SBNO2: variants seen among roughly 807,000 people sequenced by gnomAD.
SBNO2 encodes the protein strawberry notch homolog 2, also known as protein strawberry notch homolog 2.
SBNO2 carries 89 observed loss-of-function variants against 146.3 expected under a neutral mutation model. The ratio of observed to expected loss-of-function variants is 0.61; its 90% CI spans 0.51 to 0.73. SBNO2 has a LOEUF of 0.73. Ranked by LOEUF, SBNO2 falls within the 30% of genes least tolerant of loss-of-function variation. SBNO2 has a pLI of 0.00. For missense variants in SBNO2, 2,092 were observed against 2,003.7 expected (o/e 1.04, Z -0.84); for synonymous variants, 1,147 against 892.6 (o/e 1.29, Z -5.08).
intron 2 of SBNO2, among the ~76,000 whole-genome samples, chr19:1,151,100 T>A (rs1202278822): frequency 6.6e-6 from 1 of 152,156 alleles, no homozygotes; most frequent in East Asian, 1.9e-4. Flanking sequence ...TCCTGCCCTT[T>A]TGGGAAGAGA....
In SBNO2 at chr19:1,173,555, A is replaced by G. The variant is rs55961439; in HGVS notation, c.-127+617T>C. ...ACAGGGCTGCGCTGCGGGGCCGAGAAGGCAAGGGTCCTGGGACCGGGGACA... is the reference window on the plus strand; with the variant it reads ...ACAGGGCTGCGCTGCGGGGCCGAGAGGGCAAGGGTCCTGGGACCGGGGACA... On this transcript the variant is annotated intron_variant, in intron 1 of 31. Transcript: ENST00000361757. This position sits in a 1 kb window ranked among gnomAD's most constrained non-coding sequence, Gnocchi z 4.7. Among the ~76,000 whole-genome samples the G allele has an allele frequency of 0.98, 149,811 of 152,198 alleles. 73,743 individuals are homozygous for G. Among genetic ancestry groups the G allele is most frequent in the East Asian group, 1 (5,108 of 5,108 alleles).
chr19:1,147,183 C>T (rs917566696), intron 4 of SBNO2, 126 bp downstream of exon 4: 16 of 642,498 alleles, frequency 2.5e-5, no homozygotes, highest in East Asian at 6.6e-5. Flanking sequence ...ACCCTGCGGC[C>T]GAGGGGCCAA....
chr19:1,122,168 C>T lies in SBNO2; in HGVS notation c.1120G>A (p.Asp374Asn). Residue 374 changes from aspartate (D) to asparagine (N), a missense_variant, in exon 11 of 32, where the codon GAC becomes AAC. By Grantham distance (23) the Asp-to-Asn change is conservative. Coordinates refer to ENST00000361757, the MANE Select transcript of SBNO2 (RefSeq NM_014963.3). ...QHRTRLRQIL[D>N]WCGEAFEGVI... The stretch of plus-strand genomic sequence containing the variant: ...CCCTCGAAGGCCTCCCCACACCAGT[C>T]CAGGATCTGCCGGAGGCGAGTGCGG... 6.6e-7 allele frequency: 1 copy of T among 1,522,398 alleles called. No individual in the cohort carries two copies. Among genetic ancestry groups the T allele is most frequent in the Non-Finnish European group, 8.8e-7 (1 of 1,132,066 alleles). 94.3% of individuals were successfully genotyped at this position (1,522,398 alleles called of 1,614,324 possible).
At chr19:1,151,647 C>T (rs1364358866) in intron 2 of SBNO2, among the ~76,000 whole-genome samples, 1 of 151,824 alleles carries the variant, frequency 6.6e-6, no homozygotes, top group Non-Finnish European at 1.5e-5. Context: ...ACAATCAGAG[C>T]CTGCCTGGTG....
chr19:1,129,935 G>C (rs80284062), intron 4 of SBNO2, among the ~76,000 whole-genome samples: 1,618 of 152,250 alleles, frequency 0.011, 28 homozygotes, highest in African/African-American at 0.037. Flanking sequence ...GGCCCAAGAA[G>C]ACAGGACAAC....
At chr19:1,124,098 C>T in intron 5 of SBNO2, 76 bp from the exon 6 acceptor site, 1 of 1,375,668 alleles carries the variant, frequency 7.3e-7, no homozygotes, top group Non-Finnish European at 1.0e-6. Flanking sequence ...GCCTGGCCAC[C>T]AGAGGGAGGC....
chr19:1,172,737 C>T (rs1181077117), intron 1 of SBNO2, among the ~76,000 whole-genome samples: 1 of 149,634 alleles, frequency 6.7e-6, no homozygotes, highest in Admixed American at 6.7e-5. Context: ...TCTCTTGAAC[C>T]TCGGCTTCCT....
At position 1,122,567 on chromosome 19, in the gene SBNO2, TG is replaced by T; in HGVS notation, c.915-10del. On this transcript the variant is annotated splice_polypyrimidine_tract_variant and intron_variant, in intron 9 of 31. Coordinates refer to ENST00000361757, the MANE Select transcript of SBNO2 (RefSeq NM_014963.3). ...CGTTGGAGACGCTGAACCTGCGGGG[TG>T]GGGGCGTCAGGCGCGCCCACCCTTC... The T allele has an allele frequency of 6.5e-7, 1 of 1,531,092 alleles. No individual in the cohort carries two copies. 94.8% of individuals were successfully genotyped at this position (1,531,092 alleles called of 1,614,324 possible). A position where few individuals can be genotyped will look rare whatever the true frequency, so the allele number is the denominator to read the frequency against.
chr19:1,154,189 G>C lies in SBNO2; in HGVS notation c.88C>G (p.Leu30Val). The C allele has an allele frequency of 8.1e-7, 1 of 1,240,520 alleles. No individual in the cohort carries two copies. The highest frequency in any genetic ancestry group is 1.0e-6 in the Non-Finnish European group (1 of 990,872). The allele number at this position is 1,240,520 out of a possible 1,614,324, so 76.8% of individuals were successfully genotyped here. Reference protein sequence around the residue: ...AGSLLYSPPPLQSAMLHCPYW... With the variant: ...AGSLLYSPPPVQSAMLHCPYW... The stretch of plus-strand genomic sequence containing the variant: ...GGGCCGGGGGTGGGGCTCACCTGCA[G>C]GGGCGGCGGGCTGTACAGGAGGCTG... Residue 30 changes from leucine (L) to valine (V), a missense_variant, in exon 2 of 32, where the codon CTG becomes GTG. Leu to Val is a conservative substitution (Grantham distance 32). Coordinates refer to ENST00000361757, the MANE Select transcript of SBNO2 (RefSeq NM_014963.3).
Position 1,158,361 on chromosome 19 carries a change from G to A in SBNO2, c.-126-3959C>T, listed in dbSNP as rs1251132962. Among the ~76,000 whole-genome samples, 8 of 152,132 alleles carry A rather than the reference G, an allele frequency of 5.3e-5. No homozygotes were observed. The highest frequency in any genetic ancestry group is 8.8e-5 in the Non-Finnish European group (6 of 68,016). On this transcript the variant is annotated intron_variant, in intron 1 of 31. Coordinates refer to ENST00000361757, the MANE Select transcript of SBNO2 (RefSeq NM_014963.3). This position sits in a 1 kb window ranked among gnomAD's most constrained non-coding sequence, Gnocchi z 9.9. The stretch of plus-strand genomic sequence containing the variant: ...CCCCCGCACTTTCGGATGTGGACAC[G>A]GAGGCCCCTAGGTGGAGCCTTGACG...
At chr19:1,170,234 C>T (rs1329317206) in intron 1 of SBNO2, among the ~76,000 whole-genome samples, 1 of 152,256 alleles carries the variant, frequency 6.6e-6, no homozygotes, top group Middle Eastern at 3.2e-3. Context: ...GCCAGAACCC[C>T]AGGTTTGCCT....
In SBNO2 at chr19:1,110,606, G is replaced by T; in HGVS notation, c.3028+139C>A. On this transcript the variant is annotated intron_variant, in intron 26 of 31. Coordinates refer to ENST00000361757, the MANE Select transcript of SBNO2 (RefSeq NM_014963.3). The surrounding 1 kb of genome is among the most constrained non-coding windows in gnomAD (Gnocchi z 4.9). ...CACGAGCCCCTCGCCCACCCGGGAT[G>T]CACGGTGTTCCCACGAGCCCCTCGC... 9.9e-7 allele frequency: 1 copy of T among 1,010,576 alleles called. No individual in the cohort carries two copies. The allele number at this position is 1,010,576 out of a possible 1,614,324, so 62.6% of individuals were successfully genotyped here. A position where few individuals can be genotyped will look rare whatever the true frequency, so the allele number is the denominator to read the frequency against.
chr19:1,146,585 G>A (rs1445195846), intron 4 of SBNO2, among the ~76,000 whole-genome samples: 2 of 151,858 alleles, frequency 1.3e-5, no homozygotes, highest in Non-Finnish European at 2.9e-5. Flanking sequence ...CCCAGCAGCA[G>A]CCCCTGGCCC....
rs1051456370 is a variant in SBNO2, at chr19:1,126,872, C to T, written c.441+732G>A. Among the ~76,000 whole-genome samples, 2 of 152,208 alleles carry T rather than the reference C, an allele frequency of 1.3e-5. No individual in the cohort carries two copies. The highest frequency in any genetic ancestry group is 1.9e-4 in the East Asian group (1 of 5,202). On this transcript the variant is annotated intron_variant, in intron 5 of 31. Coordinates refer to ENST00000361757, the MANE Select transcript of SBNO2 (RefSeq NM_014963.3). This position sits in a 1 kb window ranked among gnomAD's most constrained non-coding sequence, Gnocchi z 4.4. ...CCAGCCATGCCTCCCTCACCAGACACCTCCACTGAGTCGCACTGGGGCACG... is the reference window on the plus strand; with the variant it reads ...CCAGCCATGCCTCCCTCACCAGACATCTCCACTGAGTCGCACTGGGGCACG...
rs77813260 is a variant in SBNO2, at chr19:1,157,484, C to T, written c.-126-3082G>A. Among the ~76,000 whole-genome samples the T allele has an allele frequency of 0.049, 7,427 of 151,766 alleles. 340 individuals are homozygous for T. Among genetic ancestry groups the T allele is most frequent in the East Asian group, 0.24 (1,249 of 5,108 alleles). Reference sequence around the variant, plus strand: ...GCCTCAGAGCCACGGGCCAGCCAAACGTCCAGCGGGCAGCAGAGCGTGTCC... The same window carrying T: ...GCCTCAGAGCCACGGGCCAGCCAAATGTCCAGCGGGCAGCAGAGCGTGTCC... On this transcript the variant is annotated intron_variant, in intron 1 of 31. Coordinates refer to ENST00000361757, the MANE Select transcript of SBNO2 (RefSeq NM_014963.3). This position sits in a 1 kb window ranked among gnomAD's most constrained non-coding sequence, Gnocchi z 6.8.
rs1252190647 is a variant in SBNO2 at position 1,136,692 on chromosome 19, G to C, written c.280-8927C>G. 6.6e-6 allele frequency among the ~76,000 whole-genome samples: 1 copy of C among 152,184 alleles called. No homozygotes were observed. The highest frequency in any genetic ancestry group is 2.4e-5 in the African/African-American group (1 of 41,440). ...TTTTGCCCAATGCCAGTAACTGTGGGGGCTCCGTGGTGCCGGATGGGCCGA... is the reference window on the plus strand; with the variant it reads ...TTTTGCCCAATGCCAGTAACTGTGGCGGCTCCGTGGTGCCGGATGGGCCGA... On this transcript the variant is annotated intron_variant, in intron 4 of 31. Transcript: ENST00000361757. The surrounding 1 kb of genome is among the most constrained non-coding windows in gnomAD (Gnocchi z 4.2).
intron 3 of SBNO2, among the ~76,000 whole-genome samples, chr19:1,148,096 C>T (rs943397734): frequency 1.3e-4 from 20 of 152,204 alleles, no homozygotes; most frequent in Admixed American, 8.5e-4. Flanking sequence ...CCTTCCCTCC[C>T]GCCAGGCTCC....
chr19:1,171,270 G>A (rs930106546), intron 1 of SBNO2, among the ~76,000 whole-genome samples: 3 of 151,764 alleles, frequency 2.0e-5, no homozygotes, highest in Non-Finnish European at 2.9e-5. Flanking sequence ...CACAGAACGC[G>A]CACACGTCCG....
intron 16 of SBNO2, among the ~76,000 whole-genome samples, 183 bp downstream of exon 16, chr19:1,116,646 C>T (rs978895655): frequency 2.0e-5 from 3 of 152,180 alleles, no homozygotes; most frequent in Non-Finnish European, 2.9e-5. Flanking sequence ...CACCTCCAAG[C>T]CTCTGCTTTA....
Sources: gnomAD v4.1 joint callset for allele counts (sites outside exome capture counted in the v4.1 genomes callset) on GRCh38, gnomAD v4.1.1 for gene constraint, Gnocchi (gnomAD v3.1) non-coding constraint, MANE v1.5 for transcripts, NCBI Gene and HGNC (gene_info 2026-07-23, HGNC 2026-07-21) for gene names.